Variants in GPHN observed in about 807,000 individuals in gnomAD.
The protein encoded by GPHN is gephyrin.
Under a neutral mutation model 95.5 loss-of-function variants are expected in GPHN, and 17 were observed. That is an observed-to-expected ratio of 0.18 (90% confidence interval 0.12 to 0.27). The LOEUF is 0.27. Ranked by LOEUF, GPHN falls within the 10% of genes least tolerant of loss-of-function variation. The pLI, the probability that GPHN is intolerant of heterozygous loss-of-function variation, is 1.00. For synonymous variants in GPHN, 320 were observed against 322.5 expected (o/e 0.99, Z 0.08); for missense variants, 660 against 978.1 (o/e 0.67, Z 4.34).
chr14:66,586,176 T>C (rs1237447206), intron 1 of GPHN, among the ~76,000 whole-genome samples: 5 of 151,858 alleles, frequency 3.3e-5, no homozygotes, highest in Non-Finnish European at 7.4e-5. Context: ...TCTTTGTTGG[T>C]TTAAAGTCTG....
At chr14:67,069,015 A>G (rs962742136) in intron 11 of GPHN, among the ~76,000 whole-genome samples, 1 of 152,128 alleles carries the variant, frequency 6.6e-6, no homozygotes, top group Non-Finnish European at 1.5e-5. Flanking sequence ...AATAAGGGAA[A>G]AGGAAATAAG....
chr14:66,600,099 A>G (rs1595173844), intron 1 of GPHN, among the ~76,000 whole-genome samples: 1 of 151,906 alleles, frequency 6.6e-6, no homozygotes, highest in Admixed American at 6.6e-5. Flanking sequence ...ATTCTTTTGC[A>G]TATTATCTCA....
At chr14:67,619,877 C>A in the GPHN span, 4 of 798,720 alleles carry the variant, frequency 5.0e-6, no homozygotes, top group African/African-American at 5.5e-5. Context: ...GGCGGGCGGA[C>A]GCTGGCGCGG....
intron 8 of GPHN, among the ~76,000 whole-genome samples, chr14:66,930,676 A>G (rs913304958): frequency 2.6e-5 from 4 of 151,846 alleles, no homozygotes; most frequent in Non-Finnish European, 5.9e-5. Context: ...CAGGCACGCA[A>G]CACCATGACC....
the GPHN span, among the ~76,000 whole-genome samples, chr14:67,720,162 A>G: frequency 6.6e-6 from 1 of 152,188 alleles, no homozygotes; most frequent in Non-Finnish European, 1.5e-5. Context: ...TTTAATTTGC[A>G]TCTCTCATAT....
chr14:66,970,635 A>AT (rs973596060), intron 9 of GPHN, among the ~76,000 whole-genome samples: 2 of 152,074 alleles, frequency 1.3e-5, no homozygotes, highest in African/African-American at 4.8e-5. Context: ...ACGGCAAATT[A>AT]TTTTTTTCCT....
the GPHN span, chr14:67,225,036 G>A: frequency 1.5e-6 from 2 of 1,301,744 alleles, no homozygotes; most frequent in South Asian, 1.5e-5. Context: ...TTTTCCTCCT[G>A]CTTTTGGCTT....
At chr14:67,658,789 G>A in the GPHN span, among the ~76,000 whole-genome samples, 24 of 152,076 alleles carry the variant, frequency 1.6e-4, no homozygotes, top group Non-Finnish European at 2.6e-4. Context: ...AATCCCTCGC[G>A]CATCCATTTG....
chr14:67,211,416 C>T, the GPHN span, among the ~76,000 whole-genome samples: 1 of 152,082 alleles, frequency 6.6e-6, no homozygotes, highest in African/African-American at 2.4e-5. Flanking sequence ...ACCCAATAAA[C>T]TGAACCTAGA....
intron 11 of GPHN, among the ~76,000 whole-genome samples, chr14:67,064,503 G>T (rs2153653102): frequency 6.6e-6 from 1 of 152,244 alleles, no homozygotes; most frequent in Admixed American, 6.5e-5. Context: ...GTTTCAGAAG[G>T]AATGATACCA....
intron 1 of GPHN, among the ~76,000 whole-genome samples, chr14:66,550,005 C>G (rs1188074648): frequency 1.3e-5 from 2 of 152,180 alleles, no homozygotes; most frequent in African/African-American, 4.8e-5. Flanking sequence ...TACCTAGTCA[C>G]CCAAGAGCTC....
At chr14:67,341,411 T>A in the GPHN span, among the ~76,000 whole-genome samples, 1 of 151,590 alleles carries the variant, frequency 6.6e-6, no homozygotes, top group Non-Finnish European at 1.5e-5. Context: ...CCGCCCCGTC[T>A]GGGAAGTGAG....
At chr14:66,994,699 C>T (rs2071667746) in intron 9 of GPHN, among the ~76,000 whole-genome samples, 1 of 152,130 alleles carries the variant, frequency 6.6e-6, no homozygotes, top group African/African-American at 2.4e-5. Context: ...ACAGAACAAA[C>T]ATACACAGCA....
the GPHN span, chr14:67,569,162 A>G: frequency 0.27 from 430,196 of 1,607,740 alleles, 59,298 homozygotes; most frequent in Non-Finnish European, 0.29. Flanking sequence ...TGCTGTGGCC[A>G]CATCGGGCAT....
At position 67,043,245 on chromosome 14, in the gene GPHN, T is replaced by C. The variant is rs192230945; in HGVS notation, c.1007-15404T>C. Among the ~76,000 whole-genome samples the C allele has an allele frequency of 2.6e-5, 4 of 152,326 alleles. No individual in the cohort carries two copies. The East Asian group carries it at 7.7e-4, about 29-fold the overall frequency. ...ATCGCTTTCTCTTGCCTGATTGCCC[T>C]GGCCAGAACGTCCAATATTATGTTG... On this transcript the variant is annotated intron_variant, in intron 10 of 22. Coordinates refer to ENST00000478722, the MANE Select transcript of GPHN (RefSeq NM_020806.5).
chr14:66,809,441 A>G (rs970555649), intron 3 of GPHN, among the ~76,000 whole-genome samples: 3 of 152,208 alleles, frequency 2.0e-5, no homozygotes, highest in African/African-American at 7.2e-5. Context: ...AAGTACTTAC[A>G]TAGTAAAGGA....
chr14:67,593,585 C>A, the GPHN span: 1 of 584,042 alleles, frequency 1.7e-6, no homozygotes, highest in Non-Finnish European at 3.0e-6. Flanking sequence ...ATGCTAATTC[C>A]CTATCCATGA....
chr14:67,024,417 C>T (rs117768744), intron 10 of GPHN, among the ~76,000 whole-genome samples: 3,002 of 152,256 alleles, frequency 0.02, 42 homozygotes, highest in Middle Eastern at 0.034. Context: ...CCATCTTCTT[C>T]CTGATCTTTA....
At chr14:66,676,675 T>G (rs1307383467) in intron 1 of GPHN, among the ~76,000 whole-genome samples, 1 of 149,344 alleles carries the variant, frequency 6.7e-6, no homozygotes, top group Non-Finnish European at 1.5e-5. Context: ...GTAGTGTATT[T>G]TTTTTTTTTT....
Sources: allele counts gnomAD v4.1 joint callset (sites outside exome capture counted in the v4.1 genomes callset), GRCh38; gene constraint gnomAD v4.1.1; transcripts MANE v1.5; gene names NCBI Gene and HGNC (gene_info 2026-07-23, HGNC 2026-07-21).